Variants in LGSN observed in about 807,000 individuals in gnomAD.
LGSN encodes lengsin, lens protein with glutamine synthetase domain, also known as lengsin.
LGSN carries 21 observed loss-of-function variants against 19.5 expected under a neutral mutation model. The ratio of observed to expected loss-of-function variants is 1.07; its 90% CI spans 0.76 to 1.55. The LOEUF (loss-of-function observed/expected upper bound fraction) is 1.55, where lower values mean the gene tolerates loss of function less well. LGSN is among the 40% of genes most tolerant of loss of function. The pLI is 0.00. For missense variants in LGSN, 673 were observed against 608.5 expected (o/e 1.11, Z -1.12); for synonymous variants, 257 against 215.6 (o/e 1.19, Z -1.68).
At chr6:63,453,356 T>C in the LGSN span, among the ~76,000 whole-genome samples, 1 of 152,150 alleles carries the variant, frequency 6.6e-6, no homozygotes, top group African/African-American at 2.4e-5. Context: ...TTCTATTAGT[T>C]ACTAAAAAAA....
intron 1 of LGSN, among the ~76,000 whole-genome samples, chr6:63,296,570 T>A (rs923333447): frequency 6.6e-6 from 1 of 151,966 alleles, no homozygotes; most frequent in Non-Finnish European, 1.5e-5. Flanking sequence ...TATATAATTA[T>A]CAATGCAATA....
chr6:63,321,060 A>G (rs989709823), upstream of LGSN, among the ~76,000 whole-genome samples: 13 of 152,182 alleles, frequency 8.5e-5, no homozygotes, highest in Admixed American at 2.0e-4. Context: ...TGCATCCTGA[A>G]TATGGCTGTT....
the LGSN span, among the ~76,000 whole-genome samples, chr6:63,391,820 A>T: frequency 6.6e-6 from 1 of 152,128 alleles, no homozygotes; most frequent in Non-Finnish European, 1.5e-5. Context: ...TGTAAAGCAT[A>T]AGGGCCCTAG....
At chr6:63,381,256 T>C in the LGSN span, among the ~76,000 whole-genome samples, 1 of 152,088 alleles carries the variant, frequency 6.6e-6, no homozygotes, top group African/African-American at 2.4e-5. Context: ...AAATAAAACA[T>C]ATGGATGTCA....
the LGSN span, among the ~76,000 whole-genome samples, chr6:63,412,529 G>GAAAGAAAGAAAGAAGGAAAGAAA: frequency 1.5e-4 from 5 of 32,400 alleles, no homozygotes; most frequent in African/African-American, 2.5e-4. Flanking sequence ...AAAGAAAGAA[G>GAAAGAAAGAAAGAAGGAAAGAAA]GAAAGAAAGA....
chr6:63,318,204 A>C (rs1441968606), intron 1 of LGSN, among the ~76,000 whole-genome samples: 1 of 152,160 alleles, frequency 6.6e-6, no homozygotes. Flanking sequence ...TCTGACAAAG[A>C]ATTTCTTCAG....
chr6:63,378,616 C>T, the LGSN span, among the ~76,000 whole-genome samples: 14 of 151,950 alleles, frequency 9.2e-5, no homozygotes, highest in Non-Finnish European at 1.8e-4. Flanking sequence ...GGGAAGGCAA[C>T]GGAAAGGCAC....
At chr6:63,462,906 T>C in the LGSN span, among the ~76,000 whole-genome samples, 3 of 152,228 alleles carry the variant, frequency 2.0e-5, no homozygotes, top group Admixed American at 6.5e-5. Context: ...AGGTGTGTCT[T>C]AGGAGAAAAT....
the LGSN span, among the ~76,000 whole-genome samples, chr6:63,525,293 G>A: frequency 6.6e-6 from 1 of 152,322 alleles, no homozygotes; most frequent in African/African-American, 2.4e-5. Context: ...TGATGCTGAA[G>A]CCGGTTGTGG....
chr6:63,569,453 C>T, the LGSN span, among the ~76,000 whole-genome samples: 1 of 152,140 alleles, frequency 6.6e-6, no homozygotes, highest in Non-Finnish European at 1.5e-5. Context: ...AGATGGGTTT[C>T]ACCATGTTGA....
At position 63,280,415 on chromosome 6, in the gene LGSN, CTCT is replaced by C. The variant is rs1199353542; in HGVS notation, c.1133_1135del (p.Lys378del). ...ATTGTATCCCCATGTTGTAGGCACA[CTCT>C]TCTTCAGGTCTTTCCTGTCCTTGGA... On this transcript the variant is annotated inframe_deletion, in exon 4 of 4. Coordinates refer to ENST00000370657, the MANE Select transcript of LGSN (RefSeq NM_016571.3). 15 of 1,614,086 alleles carry C rather than the reference CTCT, an allele frequency of 9.3e-6. No individual in the cohort carries two copies. Among genetic ancestry groups the C allele is most frequent in the Non-Finnish European group, 1.3e-5 (15 of 1,180,060 alleles).
At chr6:63,445,455 T>A in the LGSN span, among the ~76,000 whole-genome samples, 7 of 150,758 alleles carry the variant, frequency 4.6e-5, no homozygotes, top group Non-Finnish European at 8.9e-5. Context: ...CCATCTCTAA[T>A]GAAAATACAA....
At chr6:63,543,718 C>G in the LGSN span, among the ~76,000 whole-genome samples, 100 of 152,270 alleles carry the variant, frequency 6.6e-4, no homozygotes, top group African/African-American at 2.1e-3. Context: ...ACTGAAAGAC[C>G]TGGGGCAAAT....
At chr6:63,518,854 G>A in the LGSN span, among the ~76,000 whole-genome samples, 1 of 152,074 alleles carries the variant, frequency 6.6e-6, no homozygotes, top group Non-Finnish European at 1.5e-5. Context: ...CAAAGAAAAG[G>A]TAACTCTTGA....
the LGSN span, among the ~76,000 whole-genome samples, chr6:63,377,784 T>C: frequency 6.6e-6 from 1 of 151,098 alleles, no homozygotes; most frequent in Non-Finnish European, 1.5e-5. Context: ...CGTGGTGGTG[T>C]GCGCCTCTAG....
the LGSN span, among the ~76,000 whole-genome samples, chr6:63,491,861 C>A: frequency 3.9e-5 from 6 of 152,086 alleles, no homozygotes; most frequent in Non-Finnish European, 7.3e-5. Context: ...AACCCCGTCT[C>A]TACTAAAAAT....
the LGSN span, among the ~76,000 whole-genome samples, chr6:63,515,853 T>C: frequency 2.0e-5 from 3 of 152,200 alleles, no homozygotes; most frequent in Non-Finnish European, 4.4e-5. Context: ...ATGTGTTATA[T>C]GATTTAGATT....
At chr6:63,457,089 A>C in the LGSN span, among the ~76,000 whole-genome samples, 4 of 152,190 alleles carry the variant, frequency 2.6e-5, no homozygotes, top group Admixed American at 1.3e-4. Flanking sequence ...TCATTTAGAG[A>C]CCATTGATAT....
At chr6:63,529,568 C>G in the LGSN span, among the ~76,000 whole-genome samples, 1 of 152,090 alleles carries the variant, frequency 6.6e-6, no homozygotes, top group African/African-American at 2.4e-5. Context: ...CCTTTCTTTC[C>G]TTTTGTAGAG....
Sources: allele counts gnomAD v4.1 joint callset (sites outside exome capture counted in the v4.1 genomes callset), GRCh38; gene constraint gnomAD v4.1.1; transcripts MANE v1.5; gene names NCBI Gene and HGNC (gene_info 2026-07-23, HGNC 2026-07-21).